Variants in GLIPR1 observed in about 807,000 individuals in gnomAD.
GLIPR1 encodes GLI pathogenesis related 1.
In GLIPR1, 38 loss-of-function variants were observed where a neutral mutation model predicts 30.3. The observed-to-expected ratio is 1.26, with a 90% CI of 0.97 to 1.65. The LOEUF (loss-of-function observed/expected upper bound fraction) is 1.65. Ranked by LOEUF, GLIPR1 falls within the 40% of genes most tolerant of loss-of-function variation. The pLI, the probability that GLIPR1 is intolerant of heterozygous loss-of-function variation, is 0.00. For synonymous variants in GLIPR1, 122 were observed against 110.6 expected, an observed-to-expected ratio of 1.10 and a Z score of -0.65; for missense variants, 285 against 326.5, an observed-to-expected ratio of 0.87 and a Z score of 0.98.
intron 3 of GLIPR1, chr12:75,492,575 G>T (rs546536675): frequency 1.3e-5 from 2 of 152,272 alleles, no homozygotes; most frequent in South Asian, 2.1e-4. Context: ...TGAATGTTTT[G>T]TAAGTATTCA....
chr12:75,485,614 G>A (rs2120505973), intron 2 of GLIPR1, among the ~76,000 whole-genome samples: 1 of 149,830 alleles, frequency 6.7e-6, no homozygotes, highest in Non-Finnish European at 1.5e-5. Context: ...GCAGTGGCGG[G>A]ATCTCGGCTC....
chr12:75,491,960 T>C (rs1241543099), intron 3 of GLIPR1: 1 of 152,062 alleles, frequency 6.6e-6, no homozygotes, highest in Non-Finnish European at 1.5e-5. Context: ...GCTGTAGGTG[T>C]GAAGGAGGAG....
intron 2 of GLIPR1, among the ~76,000 whole-genome samples, chr12:75,488,231 C>T (rs2046302475): frequency 6.6e-6 from 1 of 152,164 alleles, no homozygotes; most frequent in Non-Finnish European, 1.5e-5. Flanking sequence ...TTTTACCCAG[C>T]CCCTATTCGA....
At position 75,503,071 on chromosome 12, in the gene GLIPR1, G is replaced by A. The variant is rs1234422791; in HGVS notation, c.*4093G>A. ...AGGCTTTAGGATATAGCCAAGGAAG[G>A]GAATAATGAAGCAAGAACCCCCAGG... On this transcript the variant is annotated 3_prime_UTR_variant, in exon 6 of 6. Transcript: ENST00000266659. The A allele has an allele frequency of 6.6e-6, 1 of 152,078 alleles. No homozygotes were observed. The highest frequency in any genetic ancestry group is 2.4e-5 in the African/African-American group (1 of 41,414). The allele number at this position is 152,078 out of a possible 1,614,324, so 9.4% of individuals were successfully genotyped here.
In GLIPR1 at chr12:75,499,358, C is replaced by CCTGT. The variant is rs1409264891; in HGVS notation, c.*383_*386dup. 6.2e-6 allele frequency: 1 copy of CCTGT among 162,282 alleles called. No homozygotes were observed. Among genetic ancestry groups the CCTGT allele is most frequent in the Non-Finnish European group, 1.3e-5 (1 of 75,522 alleles). The allele number at this position is 162,282 out of a possible 1,614,324, so 10.1% of individuals were successfully genotyped here. A position where few individuals can be genotyped will look rare whatever the true frequency, so the allele number is the denominator to read the frequency against. The stretch of plus-strand genomic sequence containing the variant: ...CTTCGACTCTAAATATCTGGTTTTC[C>CCTGT]CTGTCTTTTTGGTTTACTACTTCCC... On this transcript the variant is annotated 3_prime_UTR_variant, in exon 6 of 6. Transcript: ENST00000266659.
At position 75,502,107 on chromosome 12, in the gene GLIPR1, T is replaced by C. The variant is rs1285286427; in HGVS notation, c.*3129T>C. 8 of 843,424 alleles carry C rather than the reference T, an allele frequency of 9.5e-6. No individual in the cohort carries two copies. The highest frequency in any genetic ancestry group is 1.5e-5 in the Non-Finnish European group (8 of 516,556). The allele number at this position is 843,424 out of a possible 1,614,324, so 52.2% of individuals were successfully genotyped here. A position where few individuals can be genotyped will look rare whatever the true frequency, so the allele number is the denominator to read the frequency against. ...GGTAAAAACAATGGGGTCAAACTGA[T>C]TTATTAATAAAAATGGTAGTGACAT... On this transcript the variant is annotated 3_prime_UTR_variant, in exon 6 of 6. Transcript: ENST00000266659.
chr12:75,492,077 A>C (rs971369971), intron 3 of GLIPR1: 4 of 140,852 alleles, frequency 2.8e-5, no homozygotes, highest in African/African-American at 1.1e-4. Context: ...GTTAGTGGTA[A>C]CTTTTCATGA....
In GLIPR1 at chr12:75,499,777, GA is replaced by G; in HGVS notation, c.*800del. 1 of 1,528,788 alleles carries G rather than the reference GA, an allele frequency of 6.5e-7. No individual in the cohort carries two copies. The highest frequency in any genetic ancestry group is 1.2e-5 in the South Asian group (1 of 80,376). 94.7% of individuals were successfully genotyped at this position (1,528,788 alleles called of 1,614,324 possible). On this transcript the variant is annotated 3_prime_UTR_variant, in exon 6 of 6. Coordinates refer to ENST00000266659, the MANE Select transcript of GLIPR1 (RefSeq NM_006851.3). ...GATATCTCAAAATCCTTTACAAAAGGAGATAGTTCTAGTCAAGGAGTTTTGG... is the reference window on the plus strand; with the variant it reads ...GATATCTCAAAATCCTTTACAAAAGGGATAGTTCTAGTCAAGGAGTTTTGG...
At chr12:75,494,441 G>A (rs1397546414) in intron 3 of GLIPR1, 1 of 152,052 alleles carries the variant, frequency 6.6e-6, no homozygotes, top group Admixed American at 6.5e-5. Flanking sequence ...TTGCTGCAGA[G>A]AACTCAAAAT....
At position 75,498,944 on chromosome 12, in the gene GLIPR1, A is replaced by G; in HGVS notation, c.767A>G (p.Gln256Arg). The change falls in exon 6 of 6, where the codon CAG becomes CGG. Residue 256 changes from glutamine (Q) to arginine (R), a missense_variant. By Grantham distance (43) the Gln-to-Arg change is conservative (BLOSUM62 1). Transcript: ENST00000266659. ...ILSVIITILV[Q>R]HKYPNLVLLD ...TCTGTTATAATTACCATTTTGGTAC[A>G]GCACAAGTACCCTAATTTAGTTCTT... 6.2e-7 allele frequency: 1 copy of G among 1,608,634 alleles called. No homozygotes were observed. The highest frequency in any genetic ancestry group is 8.5e-7 in the Non-Finnish European group (1 of 1,176,910).
chr12:75,485,267 T>C (rs564842222), intron 2 of GLIPR1, among the ~76,000 whole-genome samples: 7 of 152,368 alleles, frequency 4.6e-5, no homozygotes, highest in South Asian at 2.1e-4. Context: ...GATGTATTCA[T>C]TCAACACTTT....
intron 4 of GLIPR1, chr12:75,497,111 C>G (rs1467000646): frequency 6.6e-6 from 1 of 152,114 alleles, no homozygotes; most frequent in Non-Finnish European, 1.5e-5. Context: ...ACCAGTATGC[C>G]AAGTTTTGGT....
chr12:75,501,519 A>G lies in GLIPR1; in HGVS notation c.*2541A>G, dbSNP rs990879669. 9 of 534,288 alleles carry G rather than the reference A, an allele frequency of 1.7e-5. No homozygotes were observed. In the East Asian group the frequency reaches 2.8e-4, roughly 17 times the overall value. 33.1% of individuals were successfully genotyped at this position (534,288 alleles called of 1,614,324 possible). A position where few individuals can be genotyped will look rare whatever the true frequency, so the allele number is the denominator to read the frequency against. On this transcript the variant is annotated 3_prime_UTR_variant, in exon 6 of 6. Transcript: ENST00000266659. ...GACCAGAGGTCAGGAGAGGACTGTC[A>G]ATCCAGTTTGCACTGAAATAGGCAT...
At chr12:75,493,652 G>C (rs913400293) in intron 3 of GLIPR1, 3 of 152,160 alleles carry the variant, frequency 2.0e-5, no homozygotes, top group Admixed American at 1.3e-4. Context: ...TTAAAGATTT[G>C]TCTTCGGTCT....
intron 4 of GLIPR1, chr12:75,498,136 G>A (rs1052634216): frequency 3.9e-5 from 6 of 152,482 alleles, no homozygotes; most frequent in African/African-American, 1.4e-4. Context: ...TATCCAGAAG[G>A]CTAAAGGCAG....
At position 75,502,984 on chromosome 12, in the gene GLIPR1, G is replaced by A. The variant is rs1216060100; in HGVS notation, c.*4006G>A. ...TCTTCCCTGAAAGACTCCAACCATG[G>A]TTGTGGAAAAAAGAGATGTAGAAAG... On this transcript the variant is annotated 3_prime_UTR_variant, in exon 6 of 6. Transcript: ENST00000266659. The A allele has an allele frequency of 6.6e-6, 1 of 151,954 alleles. No individual in the cohort carries two copies. The highest frequency in any genetic ancestry group is 2.4e-5 in the African/African-American group (1 of 41,382). The allele number at this position is 151,954 out of a possible 1,614,324, so 9.4% of individuals were successfully genotyped here. A position where few individuals can be genotyped will look rare whatever the true frequency, so the allele number is the denominator to read the frequency against.
At chr12:75,481,638 T>C in intron 1 of GLIPR1, among the ~76,000 whole-genome samples, 196 bp from the exon 2 acceptor site, 1 of 152,172 alleles carries the variant, frequency 6.6e-6, no homozygotes, top group East Asian at 1.9e-4. Context: ...CTCACTTAGA[T>C]TCTAAATTCC....
chr12:75,489,183 A>G (rs999669828), intron 2 of GLIPR1, among the ~76,000 whole-genome samples: 5 of 152,210 alleles, frequency 3.3e-5, no homozygotes, highest in Non-Finnish European at 7.3e-5. Flanking sequence ...AAAGCAAAAG[A>G]AAAGCACCAC....
At chr12:75,489,433 T>G (rs1002776982) in intron 2 of GLIPR1, among the ~76,000 whole-genome samples, 1 of 152,168 alleles carries the variant, frequency 6.6e-6, no homozygotes, top group African/African-American at 2.4e-5. Flanking sequence ...TCTTCCAGAT[T>G]TACATCTCTA....
Sources: gnomAD v4.1 joint callset for allele counts (sites outside exome capture counted in the v4.1 genomes callset) on GRCh38, gnomAD v4.1.1 for gene constraint, MANE v1.5 for transcripts, NCBI Gene and HGNC (gene_info 2026-07-23, HGNC 2026-07-21) for gene names.